Variants in TSHZ2 observed in about 807,000 individuals in gnomAD.
The protein encoded by TSHZ2 is teashirt zinc finger homeobox 2.
A neutral mutation model predicts 74.4 loss-of-function variants in TSHZ2; 21 were observed. That is an observed-to-expected ratio of 0.28 (90% CI 0.20 to 0.41). The LOEUF (loss-of-function observed/expected upper bound fraction) is 0.41. TSHZ2 is among the 10% of genes least tolerant of loss of function. TSHZ2 has a pLI of 1.00. For missense variants in TSHZ2, 1,244 were observed against 1,293.5 expected, an observed-to-expected ratio of 0.96 and a Z score of 0.59; for synonymous variants, 540 against 515.3, an observed-to-expected ratio of 1.05 and a Z score of -0.65.
At chr20:52,986,285 C>G (rs1408322110) in intron 1 of TSHZ2, among the ~76,000 whole-genome samples, 1 of 151,512 alleles carries the variant, frequency 6.6e-6, no homozygotes, top group East Asian at 1.9e-4. Flanking sequence ...GCCTGTAAAC[C>G]CAGCTACTCA....
At chr20:53,285,859 C>T (rs1313825394) in intron 2 of TSHZ2, among the ~76,000 whole-genome samples, 3 of 152,172 alleles carry the variant, frequency 2.0e-5, no homozygotes, top group African/African-American at 4.8e-5. Context: ...TGGATTGATT[C>T]ATTCATTCAA....
At position 53,099,795 on chromosome 20, in the gene TSHZ2, T is replaced by C. The variant is rs577619778; in HGVS notation, c.40+126462T>C. On this transcript the variant is annotated intron_variant, in intron 1 of 2. Coordinates refer to ENST00000371497, the MANE Select transcript of TSHZ2 (RefSeq NM_173485.6). ...GGGGGAAACTGCCCCCATGATTCAA[T>C]TGTCTCTGACAAAGTCCCTCCCACA... 7.2e-5 allele frequency among the ~76,000 whole-genome samples: 11 copies of C among 152,326 alleles called. No individual in the cohort carries two copies. The East Asian group carries it at 1.9e-3, about 27-fold the overall frequency.
chr20:53,172,022 C>T (rs182980630), intron 1 of TSHZ2, among the ~76,000 whole-genome samples: 90 of 152,176 alleles, frequency 5.9e-4, no homozygotes, highest in African/African-American at 1.9e-3. Context: ...TTGTAACTTA[C>T]GAGGAAAAAA....
chr20:52,986,734 A>T (rs907983444), intron 1 of TSHZ2, among the ~76,000 whole-genome samples: 3 of 152,242 alleles, frequency 2.0e-5, no homozygotes, highest in African/African-American at 2.4e-5. Context: ...GTCTCAAAAA[A>T]AAAGAAATAA....
intron 1 of TSHZ2, among the ~76,000 whole-genome samples, chr20:53,025,855 T>TA (rs1373873314): frequency 3.3e-5 from 5 of 152,132 alleles, no homozygotes; most frequent in Admixed American, 6.5e-5. Flanking sequence ...CCCTCACCTT[T>TA]AGGAGCTCTT....
chr20:53,085,994 G>A (rs1985688290), intron 1 of TSHZ2, among the ~76,000 whole-genome samples: 1 of 152,124 alleles, frequency 6.6e-6, no homozygotes, highest in South Asian at 2.1e-4. Flanking sequence ...ATGTGGCATG[G>A]TCTCCAGCTG....
intron 1 of TSHZ2, among the ~76,000 whole-genome samples, chr20:53,055,885 G>T (rs1043014223): frequency 4.6e-5 from 7 of 152,242 alleles, no homozygotes; most frequent in Admixed American, 4.6e-4. Flanking sequence ...CTGCTTTTGT[G>T]CTACCCCAGG....
chr20:53,307,905 T>G (rs1047532283), intron 2 of TSHZ2, among the ~76,000 whole-genome samples: 1 of 152,170 alleles, frequency 6.6e-6, no homozygotes, highest in Non-Finnish European at 1.5e-5. Flanking sequence ...GCTACTGGTT[T>G]AGAGCCCAGA....
chr20:53,190,272 G>T (rs544365162), intron 1 of TSHZ2, among the ~76,000 whole-genome samples: 5 of 151,006 alleles, frequency 3.3e-5, no homozygotes, highest in African/African-American at 1.2e-4. Flanking sequence ...CTGGCAAAAT[G>T]GCTAAGTAGG....
chr20:53,279,502 A>G (rs1223708390), intron 2 of TSHZ2, among the ~76,000 whole-genome samples: 1 of 152,202 alleles, frequency 6.6e-6, no homozygotes, highest in African/African-American at 2.4e-5. Flanking sequence ...GCCCACAGGC[A>G]ACAGTTCACC....
intron 2 of TSHZ2, among the ~76,000 whole-genome samples, chr20:53,426,500 G>T (rs1983661331): frequency 6.6e-6 from 1 of 151,722 alleles, no homozygotes; most frequent in African/African-American, 2.4e-5. Flanking sequence ...TCAGATTTTT[G>T]ACTACTTATC....
At chr20:53,331,815 C>T (rs1025068648) in intron 2 of TSHZ2, among the ~76,000 whole-genome samples, 1 of 152,054 alleles carries the variant, frequency 6.6e-6, no homozygotes, top group Non-Finnish European at 1.5e-5. Flanking sequence ...GGCAGGAACC[C>T]CTTCCTGGTG....
chr20:53,434,821 G>A (rs1040717777), intron 2 of TSHZ2, among the ~76,000 whole-genome samples: 3 of 152,260 alleles, frequency 2.0e-5, no homozygotes. Context: ...TCAGTTGTTT[G>A]CAATGCTTTG....
chr20:53,223,854 A>G (rs1234094271), intron 1 of TSHZ2, among the ~76,000 whole-genome samples: 1 of 151,642 alleles, frequency 6.6e-6, no homozygotes, highest in Non-Finnish European at 1.5e-5. Context: ...GCTGTGGTGG[A>G]GAGCTCATGA....
chr20:53,433,576 GACACACAGACACACAC>G lies in TSHZ2; in HGVS notation c.*9-53560_*9-53545del, dbSNP rs962410077. Among the ~76,000 whole-genome samples, 14 of 76,770 alleles carry G rather than the reference GACACACAGACACACAC, an allele frequency of 1.8e-4. No individual in the cohort carries two copies. The South Asian group carries it at 3.1e-3, about 17-fold the overall frequency. 50.4% of individuals were successfully genotyped at this position (76,770 alleles called of 152,430 possible). A position where few individuals can be genotyped will look rare whatever the true frequency, so the allele number is the denominator to read the frequency against. On this transcript the variant is annotated intron_variant, in intron 2 of 2. Coordinates refer to ENST00000371497, the MANE Select transcript of TSHZ2 (RefSeq NM_173485.6). ...CAGAACAAACCAACACAGACACACA[GACACACAGACACACAC>G]ACACACACACACACACACACACACA...
At chr20:53,182,506 C>T (rs1988505795) in intron 1 of TSHZ2, among the ~76,000 whole-genome samples, 1 of 152,206 alleles carries the variant, frequency 6.6e-6, no homozygotes, top group Non-Finnish European at 1.5e-5. Flanking sequence ...CCAGTCTAAA[C>T]AGACATTAAA....
chr20:53,221,914 A>G (rs959617197), intron 1 of TSHZ2, among the ~76,000 whole-genome samples: 2 of 152,194 alleles, frequency 1.3e-5, no homozygotes, highest in Admixed American at 1.3e-4. Flanking sequence ...AATTACTCAC[A>G]AACTATCATA....
intron 2 of TSHZ2, among the ~76,000 whole-genome samples, chr20:53,280,816 C>T (rs1377548087): frequency 6.6e-6 from 1 of 152,030 alleles, no homozygotes; most frequent in African/African-American, 2.4e-5. Context: ...TCTCAACCTC[C>T]CGAGTAGCTG....
intron 2 of TSHZ2, among the ~76,000 whole-genome samples, chr20:53,305,053 A>G (rs1036885923): frequency 6.6e-6 from 1 of 151,326 alleles, no homozygotes; most frequent in Admixed American, 6.6e-5. Context: ...CTCCTGCCTC[A>G]GCCTCCCAAG....
Sources: allele counts gnomAD v4.1 joint callset (sites outside exome capture counted in the v4.1 genomes callset), GRCh38; gene constraint gnomAD v4.1.1; transcripts MANE v1.5; gene names NCBI Gene and HGNC (gene_info 2026-07-23, HGNC 2026-07-21).